PHACTR2: variants seen among roughly 807,000 people sequenced by gnomAD.
The protein encoded by PHACTR2 is chromosome 6 open reading frame 56.
A neutral mutation model predicts 76.0 loss-of-function variants in PHACTR2; 30 were observed. That is an observed-to-expected ratio of 0.39 (90% confidence interval 0.30 to 0.54). The LOEUF is 0.54. PHACTR2 is among the 20% of genes least tolerant of loss of function. PHACTR2 has a pLI of 0.61. For missense variants in PHACTR2, 696 were observed against 781.1 expected (o/e 0.89, Z 1.30); for synonymous variants, 292 against 292.5 (o/e 1.00, Z 0.02).
intron 2 of PHACTR2, among the ~76,000 whole-genome samples, chr6:143,734,625 A>T (rs1010796383): frequency 1.3e-5 from 2 of 152,254 alleles, no homozygotes; most frequent in African/African-American, 2.4e-5. Context: ...TGAATTGCAG[A>T]ATTGTTAACT....
chr6:143,755,457 C>A lies in PHACTR2; in HGVS notation c.454+1545C>A. ...TGGCCAGACATCAAAGGAAGTGTTT[C>A]CCTTATCAACATAATAAAAAGTTCC... On this transcript the variant is annotated intron_variant, in intron 4 of 12. Transcript: ENST00000440869. The surrounding 1 kb of genome is among the most constrained non-coding windows in gnomAD (Gnocchi z 5.2). The A allele has an allele frequency of 2.4e-6, 1 of 412,080 alleles. No homozygotes were observed. Among genetic ancestry groups the A allele is most frequent in the South Asian group, 1.7e-5 (1 of 58,354 alleles). The allele number at this position is 412,080 out of a possible 1,614,324, so 25.5% of individuals were successfully genotyped here. A position where few individuals can be genotyped will look rare whatever the true frequency, so the allele number is the denominator to read the frequency against.
chr6:143,560,042 A>G (rs1303553132), intron 1 of PHACTR2, among the ~76,000 whole-genome samples: 4 of 152,086 alleles, frequency 2.6e-5, no homozygotes, highest in African/African-American at 7.2e-5. Context: ...AAAAATTGAG[A>G]GTAGGGGTTA....
intron 2 of PHACTR2, among the ~76,000 whole-genome samples, chr6:143,747,437 G>C (rs1200254195): frequency 6.6e-6 from 1 of 152,210 alleles, no homozygotes. Flanking sequence ...GTCCTTGCTT[G>C]AGGCCCTGGA....
rs1378867028 is a variant in PHACTR2, at chr6:143,757,959, GCGCGCACACA to G, written c.455-2440_455-2431del. Among the ~76,000 whole-genome samples, 28 of 145,686 alleles carry G rather than the reference GCGCGCACACA, an allele frequency of 1.9e-4. No homozygotes were observed. The highest frequency in any genetic ancestry group is 5.9e-4 in the East Asian group (3 of 5,066). ...CCTGCGTGTGTGTGCATGCACACGT[GCGCGCACACA>G]CACACACACACACACACACATAACT... is the stretch of plus-strand genomic sequence containing the variant. On this transcript the variant is annotated intron_variant, in intron 4 of 12. Coordinates refer to ENST00000440869, the MANE Select transcript of PHACTR2 (RefSeq NM_001100164.2). The surrounding 1 kb of genome is among the most constrained non-coding windows in gnomAD (Gnocchi z 4.2).
chr6:143,722,959 GTATTCCATTATGGTGGAATAA>G lies in PHACTR2; in HGVS notation c.214+10786_214+10806del, dbSNP rs368302966. Among the ~76,000 whole-genome samples the G allele has an allele frequency of 4.6e-5, 7 of 152,164 alleles. No homozygotes were observed. The highest frequency in any genetic ancestry group is 1.2e-4 in the African/African-American group (5 of 41,414). On this transcript the variant is annotated intron_variant, in intron 2 of 12. Coordinates refer to ENST00000440869, the MANE Select transcript of PHACTR2 (RefSeq NM_001100164.2). This position sits in a 1 kb window ranked among gnomAD's most constrained non-coding sequence, Gnocchi z 4.1. ...TTTTATTCTTTTTTATGGCTGAATA[GTATTCCATTATGGTGGAATAA>G]TATTCCATTGTGTATATGTACTACA...
intron 1 of PHACTR2, among the ~76,000 whole-genome samples, chr6:143,542,741 A>G (rs1238279738): frequency 6.6e-6 from 1 of 152,160 alleles, no homozygotes; most frequent in Non-Finnish European, 1.5e-5. Flanking sequence ...TTCATATTTC[A>G]TAGTTCAAAT....
intron 2 of PHACTR2, among the ~76,000 whole-genome samples, chr6:143,716,617 G>A (rs955909871): frequency 6.6e-6 from 1 of 152,252 alleles, no homozygotes; most frequent in Non-Finnish European, 1.5e-5. Context: ...GAGAGTACAG[G>A]CGTGAGCCAC....
rs1020486215 is a variant in PHACTR2, at chr6:143,751,090, A to G, written c.295+2025A>G. ...CTAGAAGCTGCTGTTCTTGGTAACA[A>G]CCTCCTTTCTGCTGCCAGTGAAGAT... On this transcript the variant is annotated intron_variant, in intron 3 of 12. Coordinates refer to ENST00000440869, the MANE Select transcript of PHACTR2 (RefSeq NM_001100164.2). The surrounding 1 kb of genome is among the most constrained non-coding windows in gnomAD (Gnocchi z 5.7). 1.3e-5 allele frequency among the ~76,000 whole-genome samples: 2 copies of G among 152,126 alleles called. No individual in the cohort carries two copies. The highest frequency in any genetic ancestry group is 1.9e-4 in the East Asian group (1 of 5,176).
At position 143,823,033 on chromosome 6, in the gene PHACTR2, A is replaced by G. The variant is rs1776456616; in HGVS notation, c.1923-641A>G. 2.6e-5 allele frequency among the ~76,000 whole-genome samples: 4 copies of G among 152,230 alleles called. No individual in the cohort carries two copies. Among genetic ancestry groups the G allele is most frequent in the Admixed American group, 2.0e-4 (3 of 15,290 alleles). ...ATAGGAAATGCTGGATGAGGGAGAG[A>G]AATGAATTGCTAATCTGAGGTTTCT... is the stretch of plus-strand genomic sequence containing the variant. On this transcript the variant is annotated intron_variant, in intron 12 of 12. Coordinates refer to ENST00000440869, the MANE Select transcript of PHACTR2 (RefSeq NM_001100164.2). The surrounding 1 kb of genome is among the most constrained non-coding windows in gnomAD (Gnocchi z 5.7).
rs906540222 is a variant in PHACTR2, at chr6:143,553,030, G to A, written c.217+15823G>A. 6.6e-6 allele frequency among the ~76,000 whole-genome samples: 1 copy of A among 152,004 alleles called. No homozygotes were observed. Among genetic ancestry groups the A allele is most frequent in the African/African-American group, 2.4e-5 (1 of 41,396 alleles). ...TTGCCAGGTATTTAAGGAGTGAAAT[G>A]AGCAATGATGTTTCATCCAGATGCT... On this transcript the variant is annotated intron_variant, in intron 1 of 11. Transcript: ENST00000367584. The surrounding 1 kb of genome is among the most constrained non-coding windows in gnomAD (Gnocchi z 4.2).
Position 143,578,217 on chromosome 6 carries a change from C to A in PHACTR2, c.217+41010C>A, listed in dbSNP as rs1236141632. ...GAGCTGGAGAGGGGTCCCCAGACCT[C>A]CATCCTCACGGTCCAGGATGGGGAA... On this transcript the variant is annotated intron_variant, in intron 1 of 11. Coordinates refer to the PHACTR2 transcript ENST00000367584. This position sits in a 1 kb window ranked among gnomAD's most constrained non-coding sequence, Gnocchi z 4.5. 6.6e-6 allele frequency among the ~76,000 whole-genome samples: 1 copy of A among 152,186 alleles called. No homozygotes were observed. The highest frequency in any genetic ancestry group is 1.5e-5 in the Non-Finnish European group (1 of 68,032).
At chr6:143,714,658 G>T (rs1280881969) in intron 2 of PHACTR2, among the ~76,000 whole-genome samples, 1 of 152,200 alleles carries the variant, frequency 6.6e-6, no homozygotes, top group Non-Finnish European at 1.5e-5. Flanking sequence ...GCTGTTCAGT[G>T]TCTGGCTGTT....
Position 143,596,109 on chromosome 6 carries a change from TTAAC to T in PHACTR2, c.217+58905_217+58908del, listed in dbSNP as rs1236967237. Among the ~76,000 whole-genome samples, 1 of 152,234 alleles carries T rather than the reference TTAAC, an allele frequency of 6.6e-6. No homozygotes were observed. Among genetic ancestry groups the T allele is most frequent in the African/African-American group, 2.4e-5 (1 of 41,456 alleles). ...CTAATCATTATGCTTATTAAGTAAT[TTAAC>T]TATCTCAAATGAATTACAGATATTT... On this transcript the variant is annotated intron_variant, in intron 1 of 11. Coordinates refer to the PHACTR2 transcript ENST00000367584. The surrounding 1 kb of genome is among the most constrained non-coding windows in gnomAD (Gnocchi z 4.6).
intron 2 of PHACTR2, among the ~76,000 whole-genome samples, chr6:143,736,723 G>A (rs926933840): frequency 6.6e-6 from 1 of 151,212 alleles, no homozygotes; most frequent in Non-Finnish European, 1.5e-5. Flanking sequence ...ACAGGCACCC[G>A]CCACCATGCC....
At position 143,738,291 on chromosome 6, in the gene PHACTR2, A is replaced by AG. The variant is rs1273051449; in HGVS notation, c.215-10693dup. ...GCTTGACCCGGGAGGCAGAGGTTGC[A>AG]GTGAGCCGAGATTGTGACACTGCAC... On this transcript the variant is annotated intron_variant, in intron 2 of 12. Coordinates refer to ENST00000440869, the MANE Select transcript of PHACTR2 (RefSeq NM_001100164.2). This position sits in a 1 kb window ranked among gnomAD's most constrained non-coding sequence, Gnocchi z 4.0. Among the ~76,000 whole-genome samples the AG allele has an allele frequency of 6.6e-6, 1 of 152,166 alleles. No individual in the cohort carries two copies. Among genetic ancestry groups the AG allele is most frequent in the Non-Finnish European group, 1.5e-5 (1 of 68,042 alleles).
intron 2 of PHACTR2, among the ~76,000 whole-genome samples, chr6:143,726,273 T>A (rs185406374): frequency 6.6e-6 from 1 of 152,368 alleles, no homozygotes; most frequent in East Asian, 1.9e-4. Context: ...CATTATTTTT[T>A]GTTGTTAAGG....
intron 4 of PHACTR2, among the ~76,000 whole-genome samples, chr6:143,756,597 G>T (rs1176018891): frequency 1.5e-3 from 212 of 140,754 alleles, no homozygotes; most frequent in Admixed American, 2.0e-3. Context: ...TACTCGGGAG[G>T]CTGAGGCAGG....
chr6:143,620,319 G>A (rs1310826883), intron 1 of PHACTR2, among the ~76,000 whole-genome samples: 1 of 152,008 alleles, frequency 6.6e-6, no homozygotes, highest in East Asian at 1.9e-4. Flanking sequence ...GGTTTTCATG[G>A]AACCTCGAAA....
rs1213211834 is a variant in PHACTR2, at chr6:143,775,843, T to C, written c.1590-1485T>C. On this transcript the variant is annotated intron_variant, in intron 8 of 12. Transcript: ENST00000440869. The surrounding 1 kb of genome is among the most constrained non-coding windows in gnomAD (Gnocchi z 4.4). ...AGCAGTAAAGAAAATTTTGTAAGTT[T>C]TTGTTAAAATCCTAAACAAACGAGG... Among the ~76,000 whole-genome samples the C allele has an allele frequency of 2.0e-5, 3 of 152,226 alleles. No homozygotes were observed. Among genetic ancestry groups the C allele is most frequent in the Admixed American group, 1.3e-4 (2 of 15,282 alleles).
Sources: allele counts gnomAD v4.1 joint callset (sites outside exome capture counted in the v4.1 genomes callset), GRCh38; gene constraint gnomAD v4.1.1; non-coding constraint Gnocchi (gnomAD v3.1); transcripts MANE v1.5; gene names NCBI Gene and HGNC (gene_info 2026-07-23, HGNC 2026-07-21).